The following SDK1 variants were observed in gnomAD, a reference collection of about 807,000 sequenced individuals.
SDK1 encodes protein sidekick-1.
SDK1 carries 157 observed loss-of-function variants against 245.5 expected under a neutral mutation model. The observed-to-expected ratio is 0.64, with a 90% CI of 0.56 to 0.73. The LOEUF is 0.73. SDK1 is among the 30% of genes least tolerant of loss of function. The pLI is 0.00. For synonymous variants in SDK1, 1,647 were observed against 1,278.5 expected (o/e 1.29, Z -6.15); for missense variants, 3,583 against 3,002.3 (o/e 1.19, Z -4.52).
At chr7:3,474,703 T>C (rs1044577912) in intron 1 of SDK1, among the ~76,000 whole-genome samples, 1 of 152,156 alleles carries the variant, frequency 6.6e-6, no homozygotes, top group African/African-American at 2.4e-5. Context: ...TCTATTTTTA[T>C]TTTTTGAGAC....
intron 1 of SDK1, among the ~76,000 whole-genome samples, chr7:3,471,196 G>A (rs1480639300): frequency 6.6e-6 from 1 of 152,060 alleles, no homozygotes; most frequent in Admixed American, 6.5e-5. Context: ...TACTTGAGTC[G>A]TGAGAAGACT....
At chr7:3,882,141 T>G (rs1781223453) in intron 5 of SDK1, among the ~76,000 whole-genome samples, 1 of 152,146 alleles carries the variant, frequency 6.6e-6, no homozygotes, top group African/African-American at 2.4e-5. Flanking sequence ...CTTGTGAGAC[T>G]TATTCACGAC....
intron 1 of SDK1, among the ~76,000 whole-genome samples, chr7:3,436,842 A>G (rs990076742): frequency 6.6e-6 from 1 of 152,172 alleles, no homozygotes; most frequent in African/African-American, 2.4e-5. Flanking sequence ...ACTGCCTTTT[A>G]AAAACTCGTC....
At chr7:3,509,699 C>T (rs948236442) in intron 1 of SDK1, among the ~76,000 whole-genome samples, 1 of 152,168 alleles carries the variant, frequency 6.6e-6, no homozygotes, top group Non-Finnish European at 1.5e-5. Context: ...TGTTTAATGT[C>T]ACAGGGCAGG....
intron 4 of SDK1, among the ~76,000 whole-genome samples, chr7:3,711,939 A>G (rs1785063042): frequency 6.6e-6 from 1 of 152,190 alleles, no homozygotes; most frequent in African/African-American, 2.4e-5. Flanking sequence ...TACTTTGTCT[A>G]AAGCCCAGTT....
chr7:3,861,763 C>G (rs969220878), intron 5 of SDK1, among the ~76,000 whole-genome samples: 2 of 152,068 alleles, frequency 1.3e-5, no homozygotes, highest in Non-Finnish European at 2.9e-5. Flanking sequence ...CTTCACATGG[C>G]TTGTGGACTA....
At chr7:4,117,526 T>C (rs1205585526) in intron 25 of SDK1, among the ~76,000 whole-genome samples, 2 of 151,900 alleles carry the variant, frequency 1.3e-5, no homozygotes, top group East Asian at 3.9e-4. Flanking sequence ...AACAGGGAAA[T>C]CCTCAGGTGT....
intron 1 of SDK1, among the ~76,000 whole-genome samples, chr7:3,349,898 G>T (rs368637021): frequency 3.6e-4 from 55 of 152,102 alleles, no homozygotes; most frequent in Non-Finnish European, 7.2e-4. Flanking sequence ...CACCGTGCCC[G>T]GCCTAAGAGT....
intron 1 of SDK1, among the ~76,000 whole-genome samples, chr7:3,423,793 C>T (rs985815676): frequency 3.3e-5 from 5 of 152,036 alleles, no homozygotes; most frequent in African/African-American, 1.2e-4. Context: ...TATAATTCAA[C>T]CTTGTAAAAT....
intron 1 of SDK1, among the ~76,000 whole-genome samples, chr7:3,385,673 T>G (rs1781593539): frequency 6.6e-6 from 1 of 152,196 alleles, no homozygotes; most frequent in South Asian, 2.1e-4. Context: ...AGCCCCCGTA[T>G]GTATCTCTTT....
chr7:3,531,882 T>C (rs1583131716), intron 1 of SDK1, among the ~76,000 whole-genome samples: 1 of 152,214 alleles, frequency 6.6e-6, no homozygotes, highest in East Asian at 1.9e-4. Context: ...AGAAATTAAG[T>C]AGGCTTTTGT....
intron 1 of SDK1, among the ~76,000 whole-genome samples, chr7:3,521,681 G>C (rs1209584864): frequency 6.6e-6 from 1 of 152,186 alleles, no homozygotes; most frequent in African/African-American, 2.4e-5. Flanking sequence ...TGATTGAGGA[G>C]TTACAGAAGT....
At chr7:4,166,029 T>A (rs1781477234) in intron 32 of SDK1, among the ~76,000 whole-genome samples, 1 of 152,096 alleles carries the variant, frequency 6.6e-6, no homozygotes, top group South Asian at 2.1e-4. Context: ...ACTCAAGCGA[T>A]CCTCCTTCCT....
intron 4 of SDK1, among the ~76,000 whole-genome samples, chr7:3,761,299 T>A (rs1157790996): frequency 6.8e-6 from 1 of 146,742 alleles, no homozygotes; most frequent in Non-Finnish European, 1.5e-5. Context: ...TGATGATCTA[T>A]TTAGTTATTA....
chr7:3,489,503 C>G (rs747603950), intron 1 of SDK1, among the ~76,000 whole-genome samples: 1 of 152,126 alleles, frequency 6.6e-6, no homozygotes, highest in Admixed American at 6.5e-5. Context: ...TTTTGAGCAG[C>G]CAGACATTGT....
chr7:3,509,744 A>G (rs887191260), intron 1 of SDK1, among the ~76,000 whole-genome samples: 5 of 152,152 alleles, frequency 3.3e-5, no homozygotes, highest in Admixed American at 6.5e-5. Context: ...GGTGTTTTCT[A>G]CCTTCGGCCC....
chr7:4,139,523 G>GTGTGTA (rs1562871662), intron 28 of SDK1, among the ~76,000 whole-genome samples: 1,240 of 10,118 alleles, frequency 0.12, 240 homozygotes, highest in African/African-American at 0.19. Context: ...ATATGTGTGT[G>GTGTGTA]TATGTGTGTG....
chr7:3,447,239 A>G (rs1780367125), intron 1 of SDK1, among the ~76,000 whole-genome samples: 1 of 152,228 alleles, frequency 6.6e-6, no homozygotes, highest in South Asian at 2.1e-4. Flanking sequence ...CTTAAGTTAC[A>G]AAAGTAAAAT....
intron 5 of SDK1, among the ~76,000 whole-genome samples, chr7:3,911,511 C>G (rs1779161418): frequency 6.6e-6 from 1 of 152,170 alleles, no homozygotes; most frequent in Non-Finnish European, 1.5e-5. Flanking sequence ...CTCAGGCTAC[C>G]TGAGGAAGGG....
Sources: allele counts gnomAD v4.1 joint callset (sites outside exome capture counted in the v4.1 genomes callset), GRCh38; gene constraint gnomAD v4.1.1; transcripts MANE v1.5; gene names NCBI Gene and HGNC (gene_info 2026-07-23, HGNC 2026-07-21).